The following POMC variants were observed in gnomAD, a reference collection of about 807,000 sequenced individuals.
POMC encodes the protein pro-opiomelanocortin.
A neutral mutation model predicts 18.5 loss-of-function variants in POMC; 19 were observed. That is an observed-to-expected ratio of 1.03 (90% CI 0.72 to 1.51). POMC has a LOEUF of 1.51. Ranked by LOEUF, POMC falls within the 40% of genes most tolerant of loss-of-function variation. The pLI is 0.00. For synonymous variants in POMC, 179 were observed against 161.9 expected (o/e 1.11, Z -0.80); for missense variants, 451 against 379.0 (o/e 1.19, Z -1.58).
chr2:25,164,398 G>A (rs1373550133), intron 2 of POMC, among the ~76,000 whole-genome samples: 2 of 152,080 alleles, frequency 1.3e-5, no homozygotes, highest in Non-Finnish European at 2.9e-5. Flanking sequence ...CATAAAAGAT[G>A]GGGCAAGAAG....
At chr2:25,167,149 AG>A (rs1671582924) in intron 1 of POMC, among the ~76,000 whole-genome samples, 1 of 152,192 alleles carries the variant, frequency 6.6e-6, no homozygotes, top group African/African-American at 2.4e-5. Flanking sequence ...TAAAGATTAG[AG>A]GAGCACAGGG....
At chr2:25,167,203 C>G (rs1003570825) in intron 1 of POMC, among the ~76,000 whole-genome samples, 5 of 152,122 alleles carry the variant, frequency 3.3e-5, no homozygotes, top group Non-Finnish European at 1.5e-5. Flanking sequence ...GCATCGAGTC[C>G]TATAACAAAA....
Position 25,161,130 on chromosome 2 carries a change from G to A in POMC, c.755C>T (p.Thr252Met), listed in dbSNP as rs775998713. Residue 252 changes from threonine (T) to methionine (M), a missense_variant, in exon 3 of 3, where the codon ACG becomes ATG. Coordinates refer to ENST00000395826, the MANE Select transcript of POMC (RefSeq NM_000939.4). This position sits in a 1 kb window ranked among gnomAD's most constrained non-coding sequence, Gnocchi z 5.7. Reference protein sequence around the residue: ...TSEKSQTPLVTLFKNAIIKNA... With the variant: ...TSEKSQTPLVMLFKNAIIKNA... The stretch of plus-strand genomic sequence containing the variant: ...CTTGATGATGGCGTTTTTGAACAGC[G>A]TCACCAGGGGCGTCTGGCTCTTCTC... The A allele has an allele frequency of 1.2e-5, 20 of 1,613,744 alleles. No individual in the cohort carries two copies. In the Middle Eastern group the frequency reaches 4.9e-4, roughly 40 times the overall value.
At chr2:25,162,249 G>C (rs1163587606) in intron 2 of POMC, among the ~76,000 whole-genome samples, 2 of 152,144 alleles carry the variant, frequency 1.3e-5, no homozygotes, top group Non-Finnish European at 2.9e-5. Context: ...AGGAGTTCAA[G>C]ACCAGCCTGG....
At chr2:25,162,670 C>G (rs6756695) in intron 2 of POMC, among the ~76,000 whole-genome samples, 30 of 152,166 alleles carry the variant, frequency 2.0e-4, no homozygotes, top group African/African-American at 6.7e-4. Context: ...GATCGCGCCA[C>G]TGCACTCCAG....
At chr2:25,165,786 C>T (rs569002054) in intron 1 of POMC, 1 of 152,354 alleles carries the variant, frequency 6.6e-6, no homozygotes, top group South Asian at 2.1e-4. Context: ...CAGCACTACC[C>T]TCGCACTGCC....
At position 25,160,947 on chromosome 2, in the gene POMC, A is replaced by G; in HGVS notation, c.*134T>C. ...GAAATTTGAAAGGTTTTATTTCCTA[A>G]CTACAGGCAGCTTTAAGAGGCTGAT... On this transcript the variant is annotated 3_prime_UTR_variant, in exon 3 of 3. Transcript: ENST00000395826. 3 of 1,408,082 alleles carry G rather than the reference A, an allele frequency of 2.1e-6. No homozygotes were observed. The South Asian group carries it at 4.0e-5, about 19-fold the overall frequency. The allele number at this position is 1,408,082 out of a possible 1,614,324, so 87.2% of individuals were successfully genotyped here.
rs779540150 is a variant in POMC, at chr2:25,164,787, G to A, written c.-15C>T. 1.2e-6 allele frequency: 2 copies of A among 1,613,282 alleles called. No individual in the cohort carries two copies. The highest frequency in any genetic ancestry group is 1.7e-6 in the Non-Finnish European group (2 of 1,180,002). Reference sequence around the variant, plus strand: ...GATCTCGGCATCTTCCAGGCAGGCTGAGGCTCTGCAGAAGCAAACAAGATT... The same window carrying A: ...GATCTCGGCATCTTCCAGGCAGGCTAAGGCTCTGCAGAAGCAAACAAGATT... On this transcript the variant is annotated 5_prime_UTR_variant, in exon 2 of 3. Transcript: ENST00000395826.
At chr2:25,165,420 C>A (rs1238620496) in intron 1 of POMC, among the ~76,000 whole-genome samples, 1 of 152,216 alleles carries the variant, frequency 6.6e-6, no homozygotes, top group African/African-American at 2.4e-5. Context: ...TGATGTCCTG[C>A]ACACAAATTA....
At chr2:25,164,597 C>T (rs1207515659) in intron 2 of POMC, 44 bp downstream of exon 2, 5 of 1,613,560 alleles carry the variant, frequency 3.1e-6, no homozygotes, top group Non-Finnish European at 4.2e-6. Context: ...CAGCTCCAGT[C>T]CCATCTAATG....
intron 1 of POMC, 90 bp from the exon 2 acceptor site, chr2:25,164,882 A>G (rs1303786193): frequency 7.1e-6 from 10 of 1,402,170 alleles, no homozygotes; most frequent in Non-Finnish European, 1.0e-5. Flanking sequence ...CAACATTAAC[A>G]ACACACTCTC....
Position 25,161,599 on chromosome 2 carries a change from C to T in POMC, c.286G>A (p.Gly96Ser), listed in dbSNP as rs373689962. The T allele has an allele frequency of 7.1e-6, 11 of 1,556,838 alleles. No homozygotes were observed. In the South Asian group the frequency reaches 1.1e-4, roughly 15 times the overall value. ...RFGRRNSSSSGSSGAGQKRED... is the reference protein window; with the variant it reads ...RFGRRNSSSSSSSGAGQKRED... ...CGCTTCTGCCCTGCGCCGCTGCTGC[C>T]GCTGCTGCTGCTGTTGCGGCGGCCG... Residue 96 changes from glycine (G) to serine (S), a missense_variant, in exon 3 of 3, where the codon GGC (glycine) becomes AGC (serine). Gly to Ser is a moderately conservative substitution (Grantham distance 56, BLOSUM62 0). Coordinates refer to ENST00000395826, the MANE Select transcript of POMC (RefSeq NM_000939.4). This position sits in a 1 kb window ranked among gnomAD's most constrained non-coding sequence, Gnocchi z 5.7.
rs761386423 is a variant in POMC, at chr2:25,164,751, G to A, written c.22C>T (p.Arg8Cys). 1.2e-5 allele frequency: 19 copies of A among 1,614,032 alleles called. No homozygotes were observed. Among genetic ancestry groups the A allele is most frequent in the Middle Eastern group, 1.7e-4 (1 of 5,952 alleles). The change falls in exon 2 of 3, where the codon CGC (arginine) becomes TGC (cysteine). Residue 8 changes from arginine to cysteine, a missense_variant. Coordinates refer to ENST00000395826, the MANE Select transcript of POMC (RefSeq NM_000939.4). ...AAGGCCAGCAACAGGGCCCCCGAGC[G>A]GCTGCAGCACGATCTCGGCATCTTC... is the stretch of plus-strand genomic sequence containing the variant. MPRSCCS[R>C]SGALLLALLL...
intron 1 of POMC, among the ~76,000 whole-genome samples, chr2:25,167,164 G>A (rs1246207694): frequency 6.6e-6 from 1 of 152,128 alleles, no homozygotes; most frequent in Admixed American, 6.5e-5. Flanking sequence ...CACAGGGGCC[G>A]AGTTTTGTCC....
rs547705735 is a variant in POMC, at chr2:25,161,935, G to C, written c.133-183C>G. On this transcript the variant is annotated intron_variant, in intron 2 of 2. Transcript: ENST00000395826. The surrounding 1 kb of genome is among the most constrained non-coding windows in gnomAD (Gnocchi z 5.7). ...GCAGGTCTGCCCACCTGCTTTCTTG[G>C]CACTCGTGGGCATCTAAGATCTTGC... is the stretch of plus-strand genomic sequence containing the variant. 4.4e-4 allele frequency among the ~76,000 whole-genome samples: 67 copies of C among 152,302 alleles called. 1 individual carries two copies. Among genetic ancestry groups the C allele is most frequent in the Middle Eastern group, 3.4e-3 (1 of 294 alleles).
In POMC at chr2:25,161,624, GA is replaced by G. The variant is rs1224617366; in HGVS notation, c.260del (p.Phe87SerfsTer71). 8 of 1,553,398 alleles carry G rather than the reference GA, an allele frequency of 5.1e-6. No homozygotes were observed. In the African/African-American group the frequency reaches 9.6e-5, roughly 19 times the overall value. On this transcript the variant is annotated frameshift_variant, in exon 3 of 3. Coordinates refer to ENST00000395826, the MANE Select transcript of POMC (RefSeq NM_000939.4). LOFTEE classifies it high-confidence loss of function. The surrounding 1 kb of genome is among the most constrained non-coding windows in gnomAD (Gnocchi z 5.7). ...YVMGHFRWDR[F>X]GRRNSSSSGS... is the part of the protein sequence containing the mutation. Reference sequence around the variant, plus strand: ...CGCTGCTGCTGCTGTTGCGGCGGCCGAATCGGTCCCAGCGGAAGTGGCCCAT... The same window carrying G: ...CGCTGCTGCTGCTGTTGCGGCGGCCGATCGGTCCCAGCGGAAGTGGCCCAT...
rs760343981 is a variant in POMC at position 25,161,135 on chromosome 2, C to T, written c.750G>A (p.Leu250=). The T allele has an allele frequency of 6.2e-7, 1 of 1,613,592 alleles. No homozygotes were observed. Among genetic ancestry groups the T allele is most frequent in the Non-Finnish European group, 8.5e-7 (1 of 1,179,950 alleles). ...FMTSEKSQTP[L]VTLFKNAIIK... ...TGATGGCGTTTTTGAACAGCGTCAC[C>T]AGGGGCGTCTGGCTCTTCTCGGAGG... The change falls in exon 3 of 3, where the codon CTG becomes CTA. Residue 250 remains leucine (L), a synonymous_variant. Transcript: ENST00000395826. This position sits in a 1 kb window ranked among gnomAD's most constrained non-coding sequence, Gnocchi z 5.7.
In POMC at chr2:25,168,189, C is replaced by T. The variant is rs1671623085; in HGVS notation, c.-21+309G>A. Reference sequence around the variant, plus strand: ...AAAAAAGACCGGGTTGTCCCAAGACCTCCTAGCAAGCTCTCGGAGCCTCCG... The same window carrying T: ...AAAAAAGACCGGGTTGTCCCAAGACTTCCTAGCAAGCTCTCGGAGCCTCCG... On this transcript the variant is annotated intron_variant, in intron 1 of 2. Coordinates refer to ENST00000395826, the MANE Select transcript of POMC (RefSeq NM_000939.4). This position sits in a 1 kb window ranked among gnomAD's most constrained non-coding sequence, Gnocchi z 5.2. Among the ~76,000 whole-genome samples, 1 of 151,832 alleles carries T rather than the reference C, an allele frequency of 6.6e-6. No individual in the cohort carries two copies. Among genetic ancestry groups the T allele is most frequent in the Admixed American group, 6.6e-5 (1 of 15,238 alleles).
In POMC at chr2:25,161,642, G is replaced by A. The variant is rs777655430; in HGVS notation, c.243C>T (p.His81=). The change falls in exon 3 of 3, where the codon CAC becomes CAT. Residue 81 remains histidine (H), a synonymous_variant. Coordinates refer to ENST00000395826, the MANE Select transcript of POMC (RefSeq NM_000939.4). This position sits in a 1 kb window ranked among gnomAD's most constrained non-coding sequence, Gnocchi z 5.7. ...TENPRKYVMG[H]FRWDRFGRRN... is the part of the protein sequence containing the mutation. ...GGCGGCCGAATCGGTCCCAGCGGAA[G>A]TGGCCCATGACGTACTTCCGGGGGT... The A allele has an allele frequency of 1.9e-6, 3 of 1,554,608 alleles. No individual in the cohort carries two copies. Among genetic ancestry groups the A allele is most frequent in the South Asian group, 1.2e-5 (1 of 84,484 alleles).
Sources: allele counts gnomAD v4.1 joint callset (sites outside exome capture counted in the v4.1 genomes callset), GRCh38; gene constraint gnomAD v4.1.1; non-coding constraint Gnocchi (gnomAD v3.1); transcripts MANE v1.5; gene names NCBI Gene and HGNC (gene_info 2026-07-23, HGNC 2026-07-21).